The following ASAH1 variants were observed in gnomAD, a reference collection of about 807,000 sequenced individuals.
ASAH1 encodes N-acylsphingosine amidohydrolase 1.
ASAH1 carries 70 observed loss-of-function variants against 59.5 expected under a neutral mutation model. That is an observed-to-expected ratio of 1.18 (90% CI 0.97 to 1.43). The LOEUF (loss-of-function observed/expected upper bound fraction) is 1.43. ASAH1 is among the 40% of genes most tolerant of loss of function. ASAH1 has a pLI of 0.00. For missense variants in ASAH1, 660 were observed against 482.5 expected, an observed-to-expected ratio of 1.37 and a Z score of -3.45; for synonymous variants, 213 against 166.5, an observed-to-expected ratio of 1.28 and a Z score of -2.15.
Position 18,059,664 on chromosome 8 carries a change from T to C in ASAH1, c.825A>G (p.Ile275Met). 6.2e-7 allele frequency: 1 copy of C among 1,614,220 alleles called. No homozygotes were observed. Among genetic ancestry groups the C allele is most frequent in the Middle Eastern group, 1.6e-4 (1 of 6,062 alleles). Residue 275 changes from isoleucine (I) to methionine (M), a missense_variant, in exon 11 of 14, where the codon ATA (isoleucine) becomes ATG (methionine). Coordinates refer to ENST00000637790, the MANE Select transcript of ASAH1 (RefSeq NM_177924.5). The stretch of plus-strand genomic sequence containing the variant: ...CCAGGATAAAGTAGGCTGGGGCCAA[T>C]ATCTTGGTCTTGGTCAATAAATTCT... Reference protein sequence around the residue: ...EAKNLLTKTKILAPAYFILGG... With the variant: ...EAKNLLTKTKMLAPAYFILGG...
At chr8:18,067,005 G>C (rs1350457295) in intron 5 of ASAH1, 1 of 367,722 alleles carries the variant, frequency 2.7e-6, no homozygotes, top group African/African-American at 2.1e-5. Context: ...ATGGAGCATC[G>C]TGGAGTGCTG....
At chr8:18,084,368 G>C, upstream of ASAH1, 3 of 1,406,266 alleles carry the variant, frequency 2.1e-6, no homozygotes, top group Non-Finnish European at 2.8e-6. Context: ...GTCGGACCGA[G>C]CCGGAGCCCC....
At chr8:18,067,090 C>G (rs1799957060) in intron 5 of ASAH1, 130 bp downstream of exon 5, 7 of 131,372 alleles carry the variant, frequency 5.3e-5, no homozygotes, top group Non-Finnish European at 1.5e-4. Flanking sequence ...AGCTGTATAT[C>G]TAAGACCTGT....
At chr8:18,067,128 C>CAGCACCTGTGCTGTATATCTAAGACATAA in intron 5 of ASAH1, 92 bp downstream of exon 5, 2 of 563,062 alleles carry the variant, frequency 3.6e-6, no homozygotes, top group Non-Finnish European at 4.8e-6. Flanking sequence ...CTAAGACATA[C>CAGCACCTGTGCTGTATATCTAAGACATAA]AGCACCTGTG....
At position 18,064,443 on chromosome 8, in the gene ASAH1, C is replaced by T. The variant is rs765471215; in HGVS notation, c.457+14G>A. 10 of 1,549,752 alleles carry T rather than the reference C, an allele frequency of 6.5e-6. No homozygotes were observed. The South Asian group carries it at 7.9e-5, about 12-fold the overall frequency. On this transcript the variant is annotated intron_variant, in intron 6 of 13. Coordinates refer to ENST00000637790, the MANE Select transcript of ASAH1 (RefSeq NM_177924.5). ...GTGCTTCATGCTGCCCACCCTCCCT[C>T]AGCGCACAATTACCTTTTTTGTCTT...
chr8:18,060,354 G>A (rs144404516), intron 10 of ASAH1: 1 of 153,638 alleles, frequency 6.5e-6, no homozygotes, highest in African/African-American at 2.4e-5. Flanking sequence ...CCCTGACCCT[G>A]TATGGTGAAC....
intron 10 of ASAH1, chr8:18,059,965 G>C: frequency 2.6e-6 from 1 of 390,086 alleles, no homozygotes; most frequent in Non-Finnish European, 4.8e-6. Flanking sequence ...GGTGCGTGAT[G>C]TTCCCCTCCC....
chr8:18,063,795 T>C (rs1799812391), intron 6 of ASAH1: 1 of 157,354 alleles, frequency 6.4e-6, no homozygotes, highest in African/African-American at 2.4e-5. Flanking sequence ...GGAAAAGGAA[T>C]CAATGGTCAT....
chr8:18,073,937 C>T (rs566186501), intron 2 of ASAH1, among the ~76,000 whole-genome samples: 34 of 152,264 alleles, frequency 2.2e-4, no homozygotes, highest in African/African-American at 7.9e-4. Flanking sequence ...TCCATGTATA[C>T]ACGTGTATGT....
Position 18,083,986 on chromosome 8 carries a change from G to A in ASAH1, c.73C>T (p.Pro25Ser). 6.3e-7 allele frequency: 1 copy of A among 1,597,790 alleles called. No homozygotes were observed. Among genetic ancestry groups the A allele is most frequent in the Non-Finnish European group, 8.5e-7 (1 of 1,179,348 alleles). ...AVSCAVAQHA[P>S]PWTEDCRKST... ...CTCGGCTCAAGCTCACTCACCGGCG[G>A]CGCGTGCTGCGCGACGGCACAGCTG... The change falls in exon 1 of 14, where the codon CCG (proline) becomes TCG (serine). Residue 25 changes from proline (P) to serine (S), a missense_variant. By Grantham distance (74) the Pro-to-Ser change is moderately conservative (BLOSUM62 -1). Transcript: ENST00000637790.
At position 18,059,666 on chromosome 8, in the gene ASAH1, T is replaced by C. The variant is rs1455550501; in HGVS notation, c.823A>G (p.Ile275Val). ...AGGATAAAGTAGGCTGGGGCCAATA[T>C]CTTGGTCTTGGTCAATAAATTCTTG... is the stretch of plus-strand genomic sequence containing the variant. ...EAKNLLTKTKILAPAYFILGG... is the reference protein window; with the variant it reads ...EAKNLLTKTKVLAPAYFILGG... The change falls in exon 11 of 14, where the codon ATA becomes GTA. Residue 275 changes from isoleucine (I) to valine (V), a missense_variant. Transcript: ENST00000637790. The C allele has an allele frequency of 1.2e-6, 2 of 1,614,084 alleles. No homozygotes were observed. Among genetic ancestry groups the C allele is most frequent in the Non-Finnish European group, 1.7e-6 (2 of 1,180,034 alleles).
upstream of ASAH1, chr8:18,084,411 G>C: frequency 1.4e-6 from 2 of 1,394,318 alleles, no homozygotes; most frequent in African/African-American, 1.5e-5. Flanking sequence ...CTTCACCCGT[G>C]GCGCCTCGAT....
upstream of ASAH1, chr8:18,084,358 G>T (rs1466159708): frequency 7.1e-7 from 1 of 1,409,770 alleles, no homozygotes; most frequent in African/African-American, 1.4e-5. Context: ...GCGGGCAATA[G>T]TCGGACCGAG....
chr8:18,083,948 C>A lies in ASAH1; in HGVS notation c.78+33G>T, dbSNP rs772709983. On this transcript the variant is annotated intron_variant, in intron 1 of 13. Transcript: ENST00000637790. Reference sequence around the variant, plus strand: ...CTCCATCCGCGCCCGCACCTGCACGCCCCTCTCTGCGCCTCGGCTCAAGCT... The same window carrying A: ...CTCCATCCGCGCCCGCACCTGCACGACCCTCTCTGCGCCTCGGCTCAAGCT... 15 of 1,589,638 alleles carry A rather than the reference C, an allele frequency of 9.4e-6. No homozygotes were observed. The African/African-American group carries it at 2.0e-4, about 21-fold the overall frequency.
At chr8:18,084,124 G>A, upstream of ASAH1, 1 of 1,583,660 alleles carries the variant, frequency 6.3e-7, no homozygotes, top group African/African-American at 1.3e-5. Flanking sequence ...CTGGGCCGGG[G>A]GCAGGCCACG....
intron 5 of ASAH1, 83 bp downstream of exon 5, chr8:18,067,137 T>TGCTGTATATCTAAGACATACAGCACCTGC: frequency 9.1e-7 from 1 of 1,103,344 alleles, no homozygotes; most frequent in South Asian, 1.6e-5. Flanking sequence ...ACAGCACCTG[T>TGCTGTATATCTAAGACATACAGCACCTGC]GCTGTATGTA....
intron 3 of ASAH1, among the ~76,000 whole-genome samples, chr8:18,070,416 G>C (rs574412431): frequency 6.6e-6 from 1 of 152,042 alleles, no homozygotes; most frequent in East Asian, 1.9e-4. Flanking sequence ...CCAAAGTGCT[G>C]GGATTACAGG....
At chr8:18,083,217 T>G (rs996166698) in intron 1 of ASAH1, 2 of 152,236 alleles carry the variant, frequency 1.3e-5, no homozygotes, top group African/African-American at 4.8e-5. Flanking sequence ...GCAGTCTGAT[T>G]GCTTTATAAA....
At chr8:18,059,752 G>C (rs142729406) in intron 10 of ASAH1, 49 bp from the exon 11 acceptor site, 2 of 1,494,764 alleles carry the variant, frequency 1.3e-6, no homozygotes, top group East Asian at 4.9e-5. Context: ...TTTAATTTTA[G>C]TAAATAACTT....
Sources: gnomAD v4.1 joint callset for allele counts (sites outside exome capture counted in the v4.1 genomes callset) on GRCh38, gnomAD v4.1.1 for gene constraint, MANE v1.5 for transcripts, NCBI Gene and HGNC (gene_info 2026-07-23, HGNC 2026-07-21) for gene names.